SIPA1L1: variants seen among roughly 807,000 people sequenced by gnomAD.
The protein encoded by SIPA1L1 is signal-induced proliferation-associated 1-like protein 1.
Under a neutral mutation model 162.7 loss-of-function variants are expected in SIPA1L1, and 26 were observed. The ratio of observed to expected loss-of-function variants is 0.16; its 90% CI spans 0.12 to 0.22. The LOEUF is 0.22. SIPA1L1 is among the 10% of genes least tolerant of loss of function. The pLI, the probability that SIPA1L1 is intolerant of heterozygous loss-of-function variation, is 1.00. For missense variants in SIPA1L1, 1,874 were observed against 2,241.0 expected (o/e 0.84, Z 3.31); for synonymous variants, 829 against 837.4 (o/e 0.99, Z 0.17).
intron 2 of SIPA1L1, among the ~76,000 whole-genome samples, chr14:71,428,741 C>T (rs955676683): frequency 2.0e-5 from 3 of 152,218 alleles, no homozygotes; most frequent in East Asian, 1.9e-4. Flanking sequence ...AGCAGTCAGC[C>T]ATTAGAGCAC....
intron 7 of SIPA1L1, among the ~76,000 whole-genome samples, chr14:71,638,412 C>T (rs772687366): frequency 3.3e-5 from 5 of 152,126 alleles, no homozygotes; most frequent in Non-Finnish European, 7.3e-5. Flanking sequence ...TGTAGCCCAT[C>T]GTACTAACAG....
chr14:71,348,697 A>G (rs2036413964), intron 2 of SIPA1L1, among the ~76,000 whole-genome samples: 1 of 152,240 alleles, frequency 6.6e-6, no homozygotes, highest in Non-Finnish European at 1.5e-5. Flanking sequence ...TGATAACTAA[A>G]AAGAGGCTAA....
chr14:71,739,118 A>G lies in SIPA1L1; in HGVS notation c.5309A>G (p.Lys1770Arg). The G allele has an allele frequency of 1.2e-6, 2 of 1,614,094 alleles. No homozygotes were observed. Among genetic ancestry groups the G allele is most frequent in the Non-Finnish European group, 1.7e-6 (2 of 1,179,962 alleles). The change falls in exon 24 of 24, where the codon AAG becomes AGG. Residue 1770 changes from lysine (K) to arginine (R), a missense_variant. Lys to Arg is a conservative substitution (Grantham distance 26, BLOSUM62 2). Transcript: ENST00000381232. ...TCCCAGAACGCCTCGGACAAGCTGA[A>G]GAAGTTCACAGAATGGGTCTTCAAC... ...EESQNASDKLKKFTEWVFNTI... is the reference protein window; with the variant it reads ...EESQNASDKLRKFTEWVFNTI...
chr14:71,350,947 G>A (rs749511288), intron 2 of SIPA1L1, among the ~76,000 whole-genome samples: 64 of 152,306 alleles, frequency 4.2e-4, no homozygotes, highest in Admixed American at 1.4e-3. Flanking sequence ...TGGAAGAGAA[G>A]CATTTTGTCC....
intron 2 of SIPA1L1, among the ~76,000 whole-genome samples, chr14:71,384,482 C>T (rs1033114889): frequency 6.6e-6 from 1 of 152,112 alleles, no homozygotes; most frequent in Middle Eastern, 3.2e-3. Flanking sequence ...ACGACACCGC[C>T]GCCTTGAAAC....
At chr14:71,555,090 C>T (rs1156606243) in intron 4 of SIPA1L1, among the ~76,000 whole-genome samples, 1 of 152,150 alleles carries the variant, frequency 6.6e-6, no homozygotes, top group Non-Finnish European at 1.5e-5. Flanking sequence ...TTTAAGTCTC[C>T]AGCTGCATTA....
intron 2 of SIPA1L1, among the ~76,000 whole-genome samples, chr14:71,359,092 A>C (rs2037549778): frequency 6.6e-6 from 1 of 152,198 alleles, no homozygotes; most frequent in Non-Finnish European, 1.5e-5. Context: ...TCTCATCTTG[A>C]ATTGAGGTTC....
intron 9 of SIPA1L1, among the ~76,000 whole-genome samples, chr14:71,660,137 A>T (rs2043386943): frequency 1.3e-5 from 2 of 152,338 alleles, no homozygotes; most frequent in South Asian, 4.1e-4. Flanking sequence ...GACATCATTT[A>T]TGCAGGAATG....
At chr14:71,510,769 CGAT>C (rs2051082004) in intron 2 of SIPA1L1, among the ~76,000 whole-genome samples, 1 of 152,086 alleles carries the variant, frequency 6.6e-6, no homozygotes, top group African/African-American at 2.4e-5. Flanking sequence ...ATGAACCAAT[CGAT>C]GAGACAGTCA....
chr14:71,707,657 A>C (rs2082547981), intron 16 of SIPA1L1, among the ~76,000 whole-genome samples: 1 of 152,232 alleles, frequency 6.6e-6, no homozygotes, highest in Non-Finnish European at 1.5e-5. Flanking sequence ...ATAGCTGAAT[A>C]ATATTCCATT....
In SIPA1L1 at chr14:71,442,016, A is replaced by T. The variant is rs540628124; in HGVS notation, c.-464-70727A>T. On this transcript the variant is annotated intron_variant, in intron 2 of 23. Coordinates refer to ENST00000381232, the MANE Select transcript of SIPA1L1 (RefSeq NM_001386936.1). ...GTGAAACCTCGTCTTCACTAAAAATACAAAAAATTAGGTAGGCATGGTGGT... is the reference window on the plus strand; with the variant it reads ...GTGAAACCTCGTCTTCACTAAAAATTCAAAAAATTAGGTAGGCATGGTGGT... 1.1e-4 allele frequency among the ~76,000 whole-genome samples: 16 copies of T among 151,824 alleles called. No homozygotes were observed. In the East Asian group the frequency reaches 2.9e-3, roughly 28 times the overall value.
intron 4 of SIPA1L1, among the ~76,000 whole-genome samples, chr14:71,560,460 A>T (rs532039263): frequency 8.5e-5 from 13 of 152,192 alleles, no homozygotes; most frequent in Admixed American, 8.5e-4. Context: ...AAGAAGGGGG[A>T]GTAAGAAGGT....
chr14:71,616,431 T>C (rs1413588452), intron 5 of SIPA1L1, among the ~76,000 whole-genome samples: 1 of 152,216 alleles, frequency 6.6e-6, no homozygotes, highest in Non-Finnish European at 1.5e-5. Flanking sequence ...GATAATTCTT[T>C]AGTTCTGACA....
chr14:71,701,400 T>G (rs1156773197), intron 14 of SIPA1L1, among the ~76,000 whole-genome samples: 1 of 151,634 alleles, frequency 6.6e-6, no homozygotes, highest in East Asian at 1.9e-4. Flanking sequence ...TTTTTTTTTT[T>G]GTGGAGCCTG....
At chr14:71,467,307 A>G (rs2047078233) in intron 2 of SIPA1L1, 1 of 152,228 alleles carries the variant, frequency 6.6e-6, no homozygotes, top group Admixed American at 6.5e-5. Context: ...ATATTTGCCT[A>G]TCTATTTATA....
Position 71,570,705 on chromosome 14 carries a change from A to G in SIPA1L1, c.-302-16866A>G, listed in dbSNP as rs2031812163. On this transcript the variant is annotated intron_variant, in intron 4 of 23. Transcript: ENST00000381232. ...TAAATTTGGGGAATATAAGATACTG[A>G]AGATGAAATGGAAACATAAAAAATT... 2.0e-5 allele frequency among the ~76,000 whole-genome samples: 3 copies of G among 152,362 alleles called. No homozygotes were observed. In the South Asian group the frequency reaches 6.2e-4, roughly 32 times the overall value.
intron 16 of SIPA1L1, 124 bp downstream of exon 16, chr14:71,705,464 C>T (rs764802363): frequency 3.9e-6 from 3 of 759,912 alleles, no homozygotes; most frequent in Non-Finnish European, 4.5e-6. Context: ...AAAGAGTGGT[C>T]GTTTGCTGCC....
At chr14:71,428,755 T>G (rs987449619) in intron 2 of SIPA1L1, among the ~76,000 whole-genome samples, 1 of 152,238 alleles carries the variant, frequency 6.6e-6, no homozygotes, top group Non-Finnish European at 1.5e-5. Flanking sequence ...AGAGCACAGA[T>G]CCCTGATATT....
chr14:71,647,897 A>ATT (rs11397500), intron 7 of SIPA1L1, among the ~76,000 whole-genome samples: 4 of 151,570 alleles, frequency 2.6e-5, no homozygotes, highest in East Asian at 1.9e-4. Flanking sequence ...TTTTACCCTG[A>ATT]TTTTTTTTTC....
Sources: gnomAD v4.1 joint callset for allele counts (sites outside exome capture counted in the v4.1 genomes callset) on GRCh38, gnomAD v4.1.1 for gene constraint, MANE v1.5 for transcripts, NCBI Gene and HGNC (gene_info 2026-07-23, HGNC 2026-07-21) for gene names.